Variants in NEGR1 observed in about 807,000 individuals in gnomAD.
NEGR1 encodes neuronal growth regulator 1, also known as IgLON family member 4.
Under a neutral mutation model 40.9 loss-of-function variants are expected in NEGR1, and 10 were observed. That is an observed-to-expected ratio of 0.24 (90% confidence interval 0.15 to 0.42). The LOEUF (loss-of-function observed/expected upper bound fraction) is 0.42, where lower values mean the gene tolerates loss of function less well. Ranked by LOEUF, NEGR1 falls within the 10% of genes least tolerant of loss-of-function variation. The pLI is 1.00. For synonymous variants in NEGR1, 185 were observed against 166.8 expected, an observed-to-expected ratio of 1.11 and a Z score of -0.84; for missense variants, 352 against 438.9, an observed-to-expected ratio of 0.80 and a Z score of 1.77.
intron 2 of NEGR1, among the ~76,000 whole-genome samples, chr1:71,814,404 A>T (rs1658123877): frequency 6.6e-6 from 1 of 152,012 alleles, no homozygotes. Flanking sequence ...AGGTTTTGGT[A>T]TCAGGATGAT....
chr1:71,469,310 T>C (rs776460912), intron 6 of NEGR1, among the ~76,000 whole-genome samples: 6 of 152,072 alleles, frequency 3.9e-5, no homozygotes, highest in Non-Finnish European at 8.8e-5. Context: ...GGTTGTTGCA[T>C]AGGGATAAAA....
intron 6 of NEGR1, among the ~76,000 whole-genome samples, chr1:71,513,662 C>T (rs1015146997): frequency 6.6e-6 from 1 of 152,160 alleles, no homozygotes; most frequent in Non-Finnish European, 1.5e-5. Context: ...AACTGAGATT[C>T]ACGGAAGTTA....
chr1:72,221,761 C>G (rs531975474), intron 1 of NEGR1, among the ~76,000 whole-genome samples: 1 of 151,952 alleles, frequency 6.6e-6, no homozygotes, highest in Non-Finnish European at 1.5e-5. Context: ...TTTTCCATCA[C>G]GTCTATAAAT....
At chr1:71,562,229 T>C (rs1270406947) in intron 6 of NEGR1, among the ~76,000 whole-genome samples, 1 of 151,842 alleles carries the variant, frequency 6.6e-6, no homozygotes, top group Non-Finnish European at 1.5e-5. Flanking sequence ...ATAAACTTTC[T>C]TAGTAGAACT....
At chr1:71,817,395 G>A (rs983259835) in intron 2 of NEGR1, among the ~76,000 whole-genome samples, 1 of 152,044 alleles carries the variant, frequency 6.6e-6, no homozygotes, top group African/African-American at 2.4e-5. Flanking sequence ...GGTTGGAAAA[G>A]CTTAGTTAGA....
intron 2 of NEGR1, among the ~76,000 whole-genome samples, chr1:71,859,341 A>C (rs1230357357): frequency 2.0e-5 from 3 of 151,100 alleles, no homozygotes; most frequent in Non-Finnish European, 3.0e-5. Flanking sequence ...CTCTCTCACC[A>C]CCTCTGTGCT....
intron 1 of NEGR1, among the ~76,000 whole-genome samples, chr1:72,111,117 T>C (rs1347506195): frequency 1.1e-4 from 17 of 150,542 alleles, no homozygotes; most frequent in Admixed American, 7.3e-4. Context: ...CACACGTATA[T>C]ATATACACAC....
intron 3 of NEGR1, among the ~76,000 whole-genome samples, chr1:71,715,007 C>T (rs1241716710): frequency 7.9e-5 from 12 of 152,202 alleles, no homozygotes. Context: ...AGGCTCTGGC[C>T]CTGCAGTAAA....
intron 1 of NEGR1, among the ~76,000 whole-genome samples, chr1:71,936,330 A>G (rs575995272): frequency 6.6e-6 from 1 of 152,226 alleles, no homozygotes; most frequent in Non-Finnish European, 1.5e-5. Context: ...CATTTATAAG[A>G]TATCTATGGA....
chr1:72,068,436 C>T (rs1557510410), intron 1 of NEGR1, among the ~76,000 whole-genome samples: 1 of 152,178 alleles, frequency 6.6e-6, no homozygotes, highest in African/African-American at 2.4e-5. Context: ...TGACCATTTC[C>T]TCTGACTACC....
intron 6 of NEGR1, among the ~76,000 whole-genome samples, chr1:71,470,871 T>C (rs1646777944): frequency 6.6e-6 from 1 of 152,244 alleles, no homozygotes; most frequent in Admixed American, 6.5e-5. Context: ...TCCCTCACGC[T>C]ACCACTACCA....
chr1:72,264,499 T>C (rs1490363107), intron 1 of NEGR1, among the ~76,000 whole-genome samples: 1 of 150,324 alleles, frequency 6.7e-6, no homozygotes, highest in Non-Finnish European at 1.5e-5. Flanking sequence ...AGCTAGATAT[T>C]CTATATTTAA....
chr1:71,505,310 T>A (rs918931056), intron 6 of NEGR1, among the ~76,000 whole-genome samples: 3 of 151,928 alleles, frequency 2.0e-5, no homozygotes, highest in Admixed American at 2.0e-4. Context: ...TTTTTTGAGA[T>A]GGAGTCTCGC....
intron 2 of NEGR1, among the ~76,000 whole-genome samples, chr1:71,871,824 A>G (rs1481407942): frequency 2.0e-5 from 3 of 152,140 alleles, no homozygotes; most frequent in Non-Finnish European, 4.4e-5. Flanking sequence ...TTTCTATCAG[A>G]GCTCATTCAT....
At chr1:71,575,373 C>T (rs1049953675) in intron 6 of NEGR1, among the ~76,000 whole-genome samples, 4 of 152,208 alleles carry the variant, frequency 2.6e-5, no homozygotes, top group Admixed American at 6.5e-5. Context: ...TATTGCCCTT[C>T]CAACCAACCA....
intron 4 of NEGR1, among the ~76,000 whole-genome samples, chr1:71,642,459 G>A (rs994221658): frequency 6.6e-6 from 1 of 151,852 alleles, no homozygotes; most frequent in Non-Finnish European, 1.5e-5. Context: ...GAGAGAAAAA[G>A]AGAGAATAGA....
intron 1 of NEGR1, among the ~76,000 whole-genome samples, chr1:72,279,394 C>T (rs933325533): frequency 6.6e-6 from 1 of 152,138 alleles, no homozygotes; most frequent in African/African-American, 2.4e-5. Flanking sequence ...ACTTTATGGC[C>T]TTTAGCACTT....
chr1:72,241,668 G>T (rs1436954976), intron 1 of NEGR1, among the ~76,000 whole-genome samples: 2 of 151,516 alleles, frequency 1.3e-5, no homozygotes, highest in Non-Finnish European at 3.0e-5. Flanking sequence ...AACAATAGTT[G>T]CATGATCACA....
At chr1:72,147,021 C>T (rs926333473) in intron 1 of NEGR1, among the ~76,000 whole-genome samples, 2 of 152,140 alleles carry the variant, frequency 1.3e-5, no homozygotes, top group South Asian at 4.1e-4. Flanking sequence ...TTGGTTGTGT[C>T]TGACTTAGCC....
Sources: allele counts gnomAD v4.1 joint callset (sites outside exome capture counted in the v4.1 genomes callset), GRCh38; gene constraint gnomAD v4.1.1; transcripts MANE v1.5; gene names NCBI Gene and HGNC (gene_info 2026-07-23, HGNC 2026-07-21).